CNTNAP2: variants seen among roughly 807,000 people sequenced by gnomAD.
CNTNAP2 encodes contactin-associated protein-like 2.
In CNTNAP2, 98 loss-of-function variants were observed where a neutral mutation model predicts 155.2. That is an observed-to-expected ratio of 0.63 (90% CI 0.54 to 0.75). The LOEUF (loss-of-function observed/expected upper bound fraction) is 0.75. Among genes scored for constraint, CNTNAP2 ranks in the 30% least tolerant of loss-of-function variants. The probability of loss-of-function intolerance (pLI) is 0.00; values close to 1 mark genes in which losing one functional copy is unlikely to be tolerated. For missense variants in CNTNAP2, 1,727 were observed against 1,688.1 expected (o/e 1.02, Z -0.40); for synonymous variants, 651 against 631.2 (o/e 1.03, Z -0.47).
intron 2 of CNTNAP2, among the ~76,000 whole-genome samples, chr7:146,823,576 C>CT (rs34364724): frequency 2.2e-5 from 3 of 137,774 alleles, no homozygotes; most frequent in Admixed American, 7.2e-5. Flanking sequence ...TGGAAATATA[C>CT]CATTCTTCAG....
intron 12 of CNTNAP2, among the ~76,000 whole-genome samples, chr7:147,605,753 A>G (rs1201983427): frequency 6.6e-6 from 1 of 152,130 alleles, no homozygotes; most frequent in Non-Finnish European, 1.5e-5. Flanking sequence ...GGGGCAAGAA[A>G]CGGAACAGAA....
chr7:148,214,455 T>C (rs1431237573), intron 18 of CNTNAP2, among the ~76,000 whole-genome samples: 2 of 152,258 alleles, frequency 1.3e-5, no homozygotes, highest in Non-Finnish European at 2.9e-5. Context: ...ATTTTGTTCA[T>C]CTTCACACTT....
At chr7:148,204,687 G>T (rs2116735761) in intron 18 of CNTNAP2, among the ~76,000 whole-genome samples, 1 of 152,276 alleles carries the variant, frequency 6.6e-6, no homozygotes, top group East Asian at 1.9e-4. Context: ...AGTGGTTCCT[G>T]GTATCTCATT....
intron 10 of CNTNAP2, among the ~76,000 whole-genome samples, chr7:147,459,923 A>G (rs1446217464): frequency 6.6e-6 from 1 of 152,140 alleles, no homozygotes; most frequent in East Asian, 1.9e-4. Flanking sequence ...GTTCTCATTC[A>G]TAAGTGGGAG....
At chr7:148,328,709 C>T (rs1372741372) in intron 21 of CNTNAP2, among the ~76,000 whole-genome samples, 5 of 152,026 alleles carry the variant, frequency 3.3e-5, no homozygotes, top group Non-Finnish European at 5.9e-5. Flanking sequence ...GTGGCTCACA[C>T]CTGTAATCCC....
At chr7:147,775,947 T>C (rs1797577261) in intron 13 of CNTNAP2, among the ~76,000 whole-genome samples, 1 of 152,204 alleles carries the variant, frequency 6.6e-6, no homozygotes, top group South Asian at 2.1e-4. Flanking sequence ...GGAATGGATT[T>C]GTTTTGTATT....
In CNTNAP2 at chr7:146,151,632, C is replaced by T. The variant is rs531132392; in HGVS notation, c.97+34659C>T. Among the ~76,000 whole-genome samples, 5 of 76,170 alleles carry T rather than the reference C, an allele frequency of 6.6e-5. No homozygotes were observed. The East Asian group carries it at 1.9e-3, about 28-fold the overall frequency. 50.0% of individuals were successfully genotyped at this position (76,170 alleles called of 152,430 possible). Reference sequence around the variant, plus strand: ...ATCACTGATGAATGGACAAAGAAAACGTGATATATATATATATATATATAT... The same window carrying T: ...ATCACTGATGAATGGACAAAGAAAATGTGATATATATATATATATATATAT... On this transcript the variant is annotated intron_variant, in intron 1 of 23. Transcript: ENST00000361727.
At chr7:148,244,486 T>A (rs1796218801) in intron 20 of CNTNAP2, among the ~76,000 whole-genome samples, 1 of 152,118 alleles carries the variant, frequency 6.6e-6, no homozygotes, top group African/African-American at 2.4e-5. Context: ...TGTTTTGGAT[T>A]ATATTTATGT....
At chr7:147,230,056 T>C (rs955047041) in intron 8 of CNTNAP2, among the ~76,000 whole-genome samples, 3 of 152,132 alleles carry the variant, frequency 2.0e-5, no homozygotes, top group Non-Finnish European at 4.4e-5. Context: ...AAAATTTTAA[T>C]ACTGACATGC....
In CNTNAP2 at chr7:147,380,269, A is replaced by T. The variant is rs534649218; in HGVS notation, c.1499-15340A>T. Among the ~76,000 whole-genome samples the T allele has an allele frequency of 4.6e-5, 7 of 152,068 alleles. No homozygotes were observed. The East Asian group carries it at 1.4e-3, about 29-fold the overall frequency. On this transcript the variant is annotated intron_variant, in intron 9 of 23. Coordinates refer to ENST00000361727, the MANE Select transcript of CNTNAP2 (RefSeq NM_014141.6). ...TAGACATTATAATCTTGAAAAAAAA[A>T]CCCTGATTTTTATTGAAGGGTTTTG...
At chr7:146,588,989 A>G (rs1346276903) in intron 1 of CNTNAP2, among the ~76,000 whole-genome samples, 1 of 152,192 alleles carries the variant, frequency 6.6e-6, no homozygotes, top group Non-Finnish European at 1.5e-5. Context: ...TCATGTCACT[A>G]TAATTATTAC....
At chr7:148,304,845 G>A (rs1295111394) in intron 21 of CNTNAP2, among the ~76,000 whole-genome samples, 2 of 151,962 alleles carry the variant, frequency 1.3e-5, no homozygotes, top group South Asian at 2.1e-4. Context: ...CTTCCAATAG[G>A]ATGGTTTACT....
intron 1 of CNTNAP2, among the ~76,000 whole-genome samples, chr7:146,374,850 C>T (rs757305965): frequency 2.0e-5 from 3 of 152,066 alleles, no homozygotes; most frequent in Non-Finnish European, 4.4e-5. Flanking sequence ...ATGGAATTTA[C>T]AACTAAGTAA....
At chr7:148,331,242 C>CGG (rs1798000398) in intron 21 of CNTNAP2, among the ~76,000 whole-genome samples, 1 of 13,860 alleles carries the variant, frequency 7.2e-5, no homozygotes, top group African/African-American at 4.6e-4. Context: ...ATGGATGGAA[C>CGG]AGATGGATGG....
chr7:146,789,897 G>C (rs2129188739), intron 2 of CNTNAP2, among the ~76,000 whole-genome samples: 1 of 150,124 alleles, frequency 6.7e-6, no homozygotes, highest in Non-Finnish European at 1.5e-5. Flanking sequence ...AGGCCTACTA[G>C]ATATGCCGTA....
intron 13 of CNTNAP2, among the ~76,000 whole-genome samples, chr7:147,694,578 T>G (rs1406548537): frequency 1.3e-5 from 2 of 152,184 alleles, no homozygotes; most frequent in Admixed American, 6.5e-5. Flanking sequence ...TTTCAAAGAA[T>G]TGGCCCATTT....
chr7:147,047,856 T>C (rs1484159217), intron 4 of CNTNAP2, among the ~76,000 whole-genome samples: 1 of 152,158 alleles, frequency 6.6e-6, no homozygotes, highest in East Asian at 1.9e-4. Flanking sequence ...GGGAAAATCA[T>C]ATAGCTTTGG....
intron 1 of CNTNAP2, among the ~76,000 whole-genome samples, chr7:146,487,173 TAAC>T (rs1216488354): frequency 2.6e-5 from 4 of 152,192 alleles, no homozygotes; most frequent in Non-Finnish European, 4.4e-5. Context: ...TATTAAAAGA[TAAC>T]AAAAACGGAT....
intron 13 of CNTNAP2, among the ~76,000 whole-genome samples, chr7:147,860,405 C>A (rs1799114002): frequency 6.6e-6 from 1 of 152,042 alleles, no homozygotes; most frequent in Non-Finnish European, 1.5e-5. Flanking sequence ...ACCTGGGCAA[C>A]AGAGTGAGAC....
Sources: allele counts gnomAD v4.1 joint callset (sites outside exome capture counted in the v4.1 genomes callset), GRCh38; gene constraint gnomAD v4.1.1; transcripts MANE v1.5; gene names NCBI Gene and HGNC (gene_info 2026-07-23, HGNC 2026-07-21).